STYK1: variants seen among roughly 807,000 people sequenced by gnomAD.
STYK1 encodes tyrosine-protein kinase STYK1.
In STYK1, 46 loss-of-function variants were observed where a neutral mutation model predicts 48.1. The ratio of observed to expected loss-of-function variants is 0.96; its 90% CI spans 0.75 to 1.22. The LOEUF is 1.22. Ranked by LOEUF, STYK1 falls within the 50% of genes most tolerant of loss-of-function variation. The pLI, the probability that STYK1 is intolerant of heterozygous loss-of-function variation, is 0.00. For synonymous variants in STYK1, 188 were observed against 189.0 expected, an observed-to-expected ratio of 0.99 and a Z score of 0.04; for missense variants, 527 against 521.1, an observed-to-expected ratio of 1.01 and a Z score of -0.11.
chr12:10,623,883 C>T (rs1947326843), intron 8 of STYK1, among the ~76,000 whole-genome samples: 2 of 151,934 alleles, frequency 1.3e-5, no homozygotes, highest in Non-Finnish European at 2.9e-5. Context: ...GGAAACTCAT[C>T]CTTATAAAAA....
intron 10 of STYK1, among the ~76,000 whole-genome samples, chr12:10,621,573 G>A (rs1260366366): frequency 6.6e-6 from 1 of 152,090 alleles, no homozygotes; most frequent in Non-Finnish European, 1.5e-5. Flanking sequence ...TATTTTAGAA[G>A]CTTCCCATGG....
intron 1 of STYK1, chr12:10,640,842 A>C (rs1020651597): frequency 1.3e-5 from 2 of 152,238 alleles, no homozygotes; most frequent in Non-Finnish European, 2.9e-5. Flanking sequence ...GACAGGCCCC[A>C]TAACATCTAG....
intron 1 of STYK1, among the ~76,000 whole-genome samples, chr12:10,663,731 G>A (rs1372899978): frequency 1.6e-5 from 2 of 121,786 alleles, no homozygotes; most frequent in Admixed American, 9.8e-5. Context: ...GAATCACTTT[G>A]ACCATTTCGG....
In STYK1 at chr12:10,625,378, T is replaced by C. The variant is rs113948020; in HGVS notation, c.718-519A>G. On this transcript the variant is annotated intron_variant, in intron 7 of 10. Transcript: ENST00000075503. ...GACTACAGGCACCCGCCACCACGCC[T>C]GGCTAATTTTTTGTATTTTTAGTAG... 2.5e-3 allele frequency among the ~76,000 whole-genome samples: 380 copies of C among 152,104 alleles called. 1 individual carries two copies. The highest frequency in any genetic ancestry group is 8.2e-3 in the African/African-American group (342 of 41,486).
At chr12:10,644,463 A>G (rs938717014) in intron 1 of STYK1, among the ~76,000 whole-genome samples, 30 of 152,240 alleles carry the variant, frequency 2.0e-4, no homozygotes, top group Non-Finnish European at 4.4e-5. Context: ...TAATTGTTAC[A>G]TTGGATTCTA....
chr12:10,620,385 A>T, intron 10 of STYK1, 37 bp from the exon 11 acceptor site: 2 of 1,596,480 alleles, frequency 1.3e-6, no homozygotes, highest in Non-Finnish European at 1.7e-6. Flanking sequence ...TTCCTTGACA[A>T]GGCAAATGTA....
intron 8 of STYK1, among the ~76,000 whole-genome samples, chr12:10,623,509 C>T (rs147318394): frequency 3.2e-4 from 49 of 152,072 alleles, no homozygotes; most frequent in Admixed American, 3.1e-3. Flanking sequence ...CATGTAATTG[C>T]AATTATATGT....
intron 8 of STYK1, among the ~76,000 whole-genome samples, chr12:10,623,180 T>C (rs1174569741): frequency 2.6e-5 from 4 of 152,230 alleles, no homozygotes; most frequent in South Asian, 2.1e-4. Context: ...ATAGTTGAAA[T>C]AGGTATTTGC....
At chr12:10,670,648 T>C (rs1947881544) in intron 1 of STYK1, among the ~76,000 whole-genome samples, 1 of 151,368 alleles carries the variant, frequency 6.6e-6, no homozygotes, top group Non-Finnish European at 1.5e-5. Flanking sequence ...AGGAATAAGG[T>C]CAAGAGATCT....
At chr12:10,643,058 T>C (rs1947562303) in intron 1 of STYK1, among the ~76,000 whole-genome samples, 1 of 152,126 alleles carries the variant, frequency 6.6e-6, no homozygotes, top group African/African-American at 2.4e-5. Context: ...TTATCTTACA[T>C]ACTCTCCAAT....
In STYK1 at chr12:10,626,208, G is replaced by GA. The variant is rs941408491; in HGVS notation, c.718-1350dup. ...CTGACTTTGAGCTTGTTAAAAGTAA[G>GA]AAAAAAATAGCATGATATTGCCTTG... On this transcript the variant is annotated intron_variant, in intron 7 of 10. Transcript: ENST00000075503. 3.3e-5 allele frequency among the ~76,000 whole-genome samples: 5 copies of GA among 152,086 alleles called. No homozygotes were observed. In the East Asian group the frequency reaches 9.6e-4, roughly 29 times the overall value.
At chr12:10,630,989 AAGCC>A in intron 5 of STYK1, 52 bp downstream of exon 5, 1 of 1,593,230 alleles carries the variant, frequency 6.3e-7, no homozygotes, top group Admixed American at 1.7e-5. Context: ...AATGTTCGCA[AAGCC>A]TGTTAATATT....
intron 1 of STYK1, among the ~76,000 whole-genome samples, chr12:10,652,212 A>T (rs1947669610): frequency 6.6e-6 from 1 of 152,216 alleles, no homozygotes; most frequent in Non-Finnish European, 1.5e-5. Context: ...CTAATTTATT[A>T]GATAAGATTC....
intron 1 of STYK1, among the ~76,000 whole-genome samples, chr12:10,642,249 C>T (rs1292545533): frequency 6.6e-6 from 1 of 152,168 alleles, no homozygotes; most frequent in Non-Finnish European, 1.5e-5. Flanking sequence ...CTACACTTAC[C>T]CTGCATAGAA....
In STYK1 at chr12:10,672,678, C is replaced by T. The variant is rs1247407019; in HGVS notation, c.-195+1288G>A. ...TTCTGAAACCATCTCCCGCCAACCT[C>T]ATCGGCATCTGTGAAAAAAATTGTC... is the stretch of plus-strand genomic sequence containing the variant. On this transcript the variant is annotated intron_variant, in intron 1 of 10. Coordinates refer to ENST00000075503, the MANE Select transcript of STYK1 (RefSeq NM_018423.3). The surrounding 1 kb of genome is among the most constrained non-coding windows in gnomAD (Gnocchi z 4.0). Among the ~76,000 whole-genome samples the T allele has an allele frequency of 6.6e-6, 1 of 152,216 alleles. No individual in the cohort carries two copies. Among genetic ancestry groups the T allele is most frequent in the Non-Finnish European group, 1.5e-5 (1 of 68,042 alleles).
rs1374383792 is a variant in STYK1, at chr12:10,663,272, C to A, written c.-195+10694G>T. Among the ~76,000 whole-genome samples, 3 of 152,186 alleles carry A rather than the reference C, an allele frequency of 2.0e-5. No individual in the cohort carries two copies. The South Asian group carries it at 6.2e-4, about 32-fold the overall frequency. On this transcript the variant is annotated intron_variant, in intron 1 of 10. Transcript: ENST00000075503. ...GGGATTATAGACACGTGCCACAGCA[C>A]CCAGCCCACACAATCTTGACTACTG...
At chr12:10,662,445 T>C (rs1218340881) in intron 1 of STYK1, among the ~76,000 whole-genome samples, 1 of 152,276 alleles carries the variant, frequency 6.6e-6, no homozygotes, top group Non-Finnish European at 1.5e-5. Context: ...AACTGTGTTT[T>C]AAAGTGAGTG....
intron 1 of STYK1, among the ~76,000 whole-genome samples, chr12:10,657,164 G>A (rs1359059804): frequency 6.6e-6 from 1 of 152,178 alleles, no homozygotes; most frequent in Non-Finnish European, 1.5e-5. Flanking sequence ...ATAAAAATGG[G>A]ACCCTTAAAT....
chr12:10,639,849 C>T (rs987891364), intron 1 of STYK1, among the ~76,000 whole-genome samples: 1 of 152,112 alleles, frequency 6.6e-6, no homozygotes, highest in Non-Finnish European at 1.5e-5. Flanking sequence ...CCAACAAGGT[C>T]AAGAAGGAAT....
Sources: allele counts gnomAD v4.1 joint callset (sites outside exome capture counted in the v4.1 genomes callset), GRCh38; gene constraint gnomAD v4.1.1; non-coding constraint Gnocchi (gnomAD v3.1); transcripts MANE v1.5; gene names NCBI Gene and HGNC (gene_info 2026-07-23, HGNC 2026-07-21).